The following SSH2 variants were observed in gnomAD, a reference collection of about 807,000 sequenced individuals.
SSH2 encodes slingshot protein phosphatase 2, also known as protein phosphatase Slingshot homolog 2.
SSH2 carries 37 observed loss-of-function variants against 135.2 expected under a neutral mutation model. That is an observed-to-expected ratio of 0.27 (90% CI 0.21 to 0.36). The LOEUF is 0.36. SSH2 is among the 10% of genes least tolerant of loss of function. The pLI is 1.00. For synonymous variants in SSH2, 628 were observed against 646.2 expected (o/e 0.97, Z 0.43); for missense variants, 1,408 against 1,765.3 (o/e 0.80, Z 3.63).
Position 29,685,576 on chromosome 17 carries a change from A to G in SSH2, c.358-892T>C, listed in dbSNP as rs1219689313. Among the ~76,000 whole-genome samples the G allele has an allele frequency of 3.3e-5, 5 of 152,264 alleles. No homozygotes were observed. In the East Asian group the frequency reaches 7.8e-4, roughly 24 times the overall value. ...CAAGGTAGGCAGATCACCAGAGGTC[A>G]GGAGTTCAAGACCAGCCTGGCCAAC... On this transcript the variant is annotated intron_variant, in intron 5 of 15. Coordinates refer to ENST00000540801, the MANE Select transcript of SSH2 (RefSeq NM_001282129.2).
At chr17:29,850,941 C>T (rs1315513576) in intron 1 of SSH2, among the ~76,000 whole-genome samples, 1 of 152,020 alleles carries the variant, frequency 6.6e-6, no homozygotes, top group East Asian at 1.9e-4. Context: ...GCCGAGATCG[C>T]GCCACTGCAC....
At chr17:29,690,319 C>T (rs764433077) in intron 5 of SSH2, among the ~76,000 whole-genome samples, 6 of 151,124 alleles carry the variant, frequency 4.0e-5, no homozygotes, top group Non-Finnish European at 7.4e-5. Context: ...GCAGGAGAAT[C>T]GCTTGAACCT....
chr17:29,802,644 G>GA (rs1048074527), intron 2 of SSH2, among the ~76,000 whole-genome samples: 43 of 141,152 alleles, frequency 3.0e-4, no homozygotes, highest in Non-Finnish European at 5.9e-4. Flanking sequence ...AAAAAGAAAA[G>GA]AAAAAAAAAG....
intron 3 of SSH2, among the ~76,000 whole-genome samples, chr17:29,785,040 G>A (rs931965705): frequency 1.3e-5 from 2 of 152,068 alleles, no homozygotes; most frequent in Non-Finnish European, 2.9e-5. Flanking sequence ...TTTCAAAGGT[G>A]AAGAATTTTT....
intron 9 of SSH2, among the ~76,000 whole-genome samples, chr17:29,668,858 T>C (rs1305596011): frequency 1.3e-5 from 2 of 152,024 alleles, no homozygotes; most frequent in Non-Finnish European, 2.9e-5. Context: ...GGTTGGGGAG[T>C]AGAAAGACCT....
At chr17:29,928,612 T>C in intron 1 of SSH2, 1 of 398,504 alleles carries the variant, frequency 2.5e-6, no homozygotes, top group Non-Finnish European at 4.4e-6. Context: ...ATATAACCTT[T>C]GAAATAAAAT....
At chr17:29,684,248 G>A (rs2038109057) in intron 6 of SSH2, among the ~76,000 whole-genome samples, 1 of 152,166 alleles carries the variant, frequency 6.6e-6, no homozygotes, top group Non-Finnish European at 1.5e-5. Flanking sequence ...TTGGGAGGCT[G>A]AGGTGGGTGG....
intron 8 of SSH2, 22 bp from the exon 9 acceptor site, chr17:29,672,151 G>C (rs1253290024): frequency 1.9e-6 from 3 of 1,604,902 alleles, no homozygotes; most frequent in Non-Finnish European, 2.6e-6. Context: ...GCTGGGAAAT[G>C]AGCACCATAG....
chr17:29,832,479 T>C (rs951862989), intron 2 of SSH2, among the ~76,000 whole-genome samples: 3 of 152,222 alleles, frequency 2.0e-5, no homozygotes, highest in African/African-American at 7.2e-5. Context: ...AAAATTTTGT[T>C]CTACCCATTT....
intron 2 of SSH2, among the ~76,000 whole-genome samples, chr17:29,835,338 T>C (rs975086509): frequency 2.6e-5 from 4 of 152,188 alleles, no homozygotes; most frequent in Non-Finnish European, 5.9e-5. Flanking sequence ...AAAAAAAACT[T>C]AGCCAAAACG....
intron 1 of SSH2, among the ~76,000 whole-genome samples, chr17:29,893,046 G>A (rs2066378706): frequency 6.6e-6 from 1 of 151,978 alleles, no homozygotes. Flanking sequence ...CTAACCTGCT[G>A]CAACTGGTCT....
intron 2 of SSH2, among the ~76,000 whole-genome samples, chr17:29,812,320 G>C (rs2042458306): frequency 6.6e-6 from 1 of 151,232 alleles, no homozygotes; most frequent in South Asian, 2.1e-4. Context: ...GTCTTATTTT[G>C]TTGCCCAGGT....
rs148870107 is a variant in SSH2, at chr17:29,839,615, G to A, written c.144+9234C>T. ...CAACTCTGGCACACAATCACCTATG[G>A]ACCTTTGTGAAGAAGAAATATGTCA... On this transcript the variant is annotated intron_variant, in intron 2 of 15. Coordinates refer to ENST00000540801, the MANE Select transcript of SSH2 (RefSeq NM_001282129.2). 5.1e-3 allele frequency among the ~76,000 whole-genome samples: 780 copies of A among 152,252 alleles called. 8 individuals are homozygous for A. The highest frequency in any genetic ancestry group is 0.018 in the African/African-American group (738 of 41,534).
chr17:29,875,894 T>C (rs2066018943), intron 1 of SSH2, among the ~76,000 whole-genome samples: 1 of 150,784 alleles, frequency 6.6e-6, no homozygotes, highest in South Asian at 2.1e-4. Context: ...GTTATTTCAG[T>C]CATAGAATTA....
chr17:29,673,975 G>A (rs1290721060), intron 8 of SSH2: 3 of 373,218 alleles, frequency 8.0e-6, no homozygotes, highest in African/African-American at 4.2e-5. Flanking sequence ...CATTCTTAGA[G>A]CTAAAATCTT....
At chr17:29,699,050 G>A (rs1478486391) in intron 4 of SSH2, among the ~76,000 whole-genome samples, 1 of 152,202 alleles carries the variant, frequency 6.6e-6, no homozygotes, top group South Asian at 2.1e-4. Context: ...TTACTGCTCT[G>A]AGCAAACTGC....
At chr17:29,662,168 T>C (rs528923151) in intron 11 of SSH2, among the ~76,000 whole-genome samples, 1 of 152,324 alleles carries the variant, frequency 6.6e-6, no homozygotes, top group African/African-American at 2.4e-5. Flanking sequence ...TTAAAGTAAG[T>C]TCATTTCCAT....
intron 1 of SSH2, among the ~76,000 whole-genome samples, chr17:29,850,556 G>A (rs956034922): frequency 1.3e-5 from 2 of 151,972 alleles, no homozygotes; most frequent in African/African-American, 2.4e-5. Flanking sequence ...CCTTGCTCCT[G>A]GTTTACTTCC....
intron 2 of SSH2, among the ~76,000 whole-genome samples, chr17:29,831,025 G>A (rs905207566): frequency 6.6e-6 from 1 of 152,158 alleles, no homozygotes; most frequent in Non-Finnish European, 1.5e-5. Context: ...TTTGATTAAC[G>A]TGCCAGTGGA....
Sources: allele counts gnomAD v4.1 joint callset (sites outside exome capture counted in the v4.1 genomes callset), GRCh38; gene constraint gnomAD v4.1.1; transcripts MANE v1.5; gene names NCBI Gene and HGNC (gene_info 2026-07-23, HGNC 2026-07-21).